LY75: variants seen among roughly 807,000 people sequenced by gnomAD.
LY75 encodes lymphocyte antigen 75.
In LY75, 185 loss-of-function variants were observed where a neutral mutation model predicts 231.7. That is an observed-to-expected ratio of 0.80 (90% CI 0.71 to 0.90). LY75 has a LOEUF of 0.90. Among genes scored for constraint, LY75 ranks in the 40% least tolerant of loss-of-function variants. The pLI, the probability that LY75 is intolerant of heterozygous loss-of-function variation, is 0.00. For missense variants in LY75, 1,947 were observed against 2,050.2 expected (o/e 0.95, Z 0.97); for synonymous variants, 668 against 689.0 (o/e 0.97, Z 0.48).
rs1686187858 is a variant in LY75, at chr2:159,904,695, C to A, written c.-13G>T. On this transcript the variant is annotated 5_prime_UTR_variant, in exon 1 of 35. Coordinates refer to ENST00000263636, the MANE Select transcript of LY75 (RefSeq NM_002349.4). ...AGCCTGTCCTCATCCTGAGCTGGCG[C>A]AAGCCTTCCGGCCGGGTCCTCGGGC... 7.0e-7 allele frequency: 1 copy of A among 1,420,804 alleles called. No homozygotes were observed. Among genetic ancestry groups the A allele is most frequent in the Non-Finnish European group, 9.1e-7 (1 of 1,094,314 alleles). The allele number at this position is 1,420,804 out of a possible 1,614,324, so 88.0% of individuals were successfully genotyped here.
chr2:159,815,376 A>G lies in LY75; in HGVS notation c.4549+29T>C, dbSNP rs1024828214. On this transcript the variant is annotated intron_variant, in intron 31 of 34. Transcript: ENST00000263636. The stretch of plus-strand genomic sequence containing the variant: ...CATAAATTATGTCACATTTTCATAA[A>G]TGTACTGTTACTGAAATTGAAGTCT... 5 of 1,568,076 alleles carry G rather than the reference A, an allele frequency of 3.2e-6. No individual in the cohort carries two copies. In the African/African-American group the frequency reaches 6.9e-5, roughly 22 times the overall value.
chr2:159,880,451 C>A (rs190808333), intron 8 of LY75, among the ~76,000 whole-genome samples: 1 of 152,070 alleles, frequency 6.6e-6, no homozygotes, highest in Non-Finnish European at 1.5e-5. Flanking sequence ...GGCTATCTGC[C>A]GAATATCACA....
At chr2:159,898,046 T>A (rs1685951203) in intron 2 of LY75, among the ~76,000 whole-genome samples, 1 of 152,132 alleles carries the variant, frequency 6.6e-6, no homozygotes, top group South Asian at 2.1e-4. Context: ...CCACTCAAAA[T>A]TTTCCCATTT....
At chr2:159,868,997 T>C (rs1684932128) in intron 13 of LY75, among the ~76,000 whole-genome samples, 1 of 152,160 alleles carries the variant, frequency 6.6e-6, no homozygotes, top group African/African-American at 2.4e-5. Flanking sequence ...ATGTCCTTTG[T>C]AGGGACACGG....
chr2:159,820,027 T>C (rs1031506430), intron 28 of LY75, 107 bp from the exon 29 acceptor site: 2 of 1,127,378 alleles, frequency 1.8e-6, no homozygotes, highest in Admixed American at 3.2e-5. Flanking sequence ...TTCCCAACCT[T>C]CTAAAAGGTT....
intron 6 of LY75, 21 bp downstream of exon 6, chr2:159,885,132 A>C (rs1325301640): frequency 6.2e-7 from 1 of 1,607,726 alleles, no homozygotes; most frequent in Non-Finnish European, 8.5e-7. Context: ...GTCTATTTGT[A>C]TGAGTATGTG....
rs1468022457 is a variant in LY75 at position 159,853,307 on chromosome 2, T to C, written c.2709A>G (p.Glu903=). The stretch of plus-strand genomic sequence containing the variant: ...AAGTCTTGGCAGACATGTACAAGCA[T>C]TCCTCTCCAAATGTCACAGGAAAGC... ...WHRFPVTFGE[E]CLYMSAKTWL... Residue 903 remains glutamate, a synonymous_variant, in exon 20 of 35, where the codon GAA becomes GAG. Transcript: ENST00000263636. 10 of 1,613,548 alleles carry C rather than the reference T, an allele frequency of 6.2e-6. 1 individual carries two copies. In the Middle Eastern group the frequency reaches 5.0e-4, roughly 80 times the overall value.
intron 27 of LY75, among the ~76,000 whole-genome samples, chr2:159,832,387 C>T (rs1445708186): frequency 6.6e-6 from 1 of 152,204 alleles, no homozygotes; most frequent in Non-Finnish European, 1.5e-5. Flanking sequence ...AGCTTACATA[C>T]TCCTTATGAG....
chr2:159,898,006 C>T (rs1440065935), intron 2 of LY75, among the ~76,000 whole-genome samples: 1 of 152,118 alleles, frequency 6.6e-6, no homozygotes, highest in Non-Finnish European at 1.5e-5. Flanking sequence ...AATTTGGTTG[C>T]CATGCAAAAA....
In LY75 at chr2:159,890,345, C is replaced by T. The variant is rs200098799; in HGVS notation, c.670G>A (p.Glu224Lys). The T allele has an allele frequency of 2.5e-5, 40 of 1,613,128 alleles. No individual in the cohort carries two copies. Among genetic ancestry groups the T allele is most frequent in the Non-Finnish European group, 3.3e-5 (39 of 1,179,604 alleles). Residue 224 changes from glutamate to lysine, a missense_variant, in exon 4 of 35, where the codon GAG (glutamate) becomes AAG (lysine). By Grantham distance (56) the Glu-to-Lys change is moderately conservative. Transcript: ENST00000263636. ...NGCEDNWEKN[E>K]QFGSCYQFNT... ...AATTGGTAGCAACTTCCAAACTGCT[C>T]GTTCTTTTCCCAATTATCTTCACAA...
intron 3 of LY75, among the ~76,000 whole-genome samples, chr2:159,892,929 T>C (rs954260997): frequency 1.3e-5 from 2 of 152,206 alleles, no homozygotes; most frequent in African/African-American, 2.4e-5. Flanking sequence ...TTCCCGCTCT[T>C]TGCTTCAGGC....
intron 28 of LY75, among the ~76,000 whole-genome samples, chr2:159,830,866 G>C (rs1683633857): frequency 6.6e-6 from 1 of 152,032 alleles, no homozygotes; most frequent in Non-Finnish European, 1.5e-5. Flanking sequence ...ACAGGCGTGG[G>C]ACGCTACACC....
At position 159,816,892 on chromosome 2, in the gene LY75, C is replaced by T. The variant is rs768361814; in HGVS notation, c.4294G>A (p.Val1432Ile). 55 of 1,614,038 alleles carry T rather than the reference C, an allele frequency of 3.4e-5. No homozygotes were observed. The highest frequency in any genetic ancestry group is 2.1e-4 in the South Asian group (19 of 91,090). ...AAGAGCTGGCCATTTTGGTTGTGAA[C>T]GCTTGCCAAGTGACCTCCACTTTGA... is the stretch of plus-strand genomic sequence containing the variant. ...CSQSGGHLAS[V>I]HNQNGQLFLE... is the part of the protein sequence containing the mutation. Residue 1432 changes from valine to isoleucine, a missense_variant, in exon 30 of 35, where the codon GTT (valine) becomes ATT (isoleucine). By Grantham distance (29) the Val-to-Ile change is conservative. Coordinates refer to ENST00000263636, the MANE Select transcript of LY75 (RefSeq NM_002349.4).
At chr2:159,833,045 C>G (rs1341998184) in intron 27 of LY75, among the ~76,000 whole-genome samples, 4 of 151,862 alleles carry the variant, frequency 2.6e-5, no homozygotes, top group Non-Finnish European at 5.9e-5. Flanking sequence ...ACTGCTCCAA[C>G]TAACTTATTT....
At chr2:159,901,585 G>C (rs1311785040) in intron 1 of LY75, among the ~76,000 whole-genome samples, 1 of 152,172 alleles carries the variant, frequency 6.6e-6, no homozygotes, top group Non-Finnish European at 1.5e-5. Flanking sequence ...AGAATCCAAT[G>C]GATTAGCTAC....
chr2:159,847,006 C>T (rs1684222879), intron 23 of LY75, among the ~76,000 whole-genome samples: 2 of 152,092 alleles, frequency 1.3e-5, no homozygotes, highest in Admixed American at 6.6e-5. Flanking sequence ...TATTTTCTCT[C>T]TCTTTTATTT....
At chr2:159,873,460 T>C (rs78347424) in intron 12 of LY75, among the ~76,000 whole-genome samples, 70 of 152,230 alleles carry the variant, frequency 4.6e-4, no homozygotes, top group African/African-American at 1.6e-3. Context: ...AACAAACCCC[T>C]GTGAGCTGTT....
chr2:159,902,261 A>C (rs550191763), intron 1 of LY75: 25 of 152,362 alleles, frequency 1.6e-4, no homozygotes, highest in African/African-American at 5.5e-4. Flanking sequence ...AAAAGGCAGA[A>C]GTTGATGAAG....
At chr2:159,880,947 T>C (rs1430906119) in intron 8 of LY75, 136 bp downstream of exon 8, 1 of 1,067,830 alleles carries the variant, frequency 9.4e-7, no homozygotes, top group African/African-American at 1.6e-5. Flanking sequence ...TAATGGTCCG[T>C]GGCTCTGTAC....
Sources: allele counts gnomAD v4.1 joint callset (sites outside exome capture counted in the v4.1 genomes callset), GRCh38; gene constraint gnomAD v4.1.1; transcripts MANE v1.5; gene names NCBI Gene and HGNC (gene_info 2026-07-23, HGNC 2026-07-21).